OR2L13: variants seen among roughly 807,000 people sequenced by gnomAD.
The protein encoded by OR2L13 is olfactory receptor 2L13.
In OR2L13, 14 loss-of-function variants were observed where a neutral mutation model predicts 15.3. The ratio of observed to expected loss-of-function variants is 0.91; its 90% confidence interval spans 0.60 to 1.43. The LOEUF is 1.43. Ranked by LOEUF, OR2L13 falls within the 40% of genes most tolerant of loss-of-function variation. OR2L13 has a pLI of 0.00. For missense variants in OR2L13, 367 were observed against 387.9 expected (o/e 0.95, Z 0.45); for synonymous variants, 152 against 142.9 (o/e 1.06, Z -0.45).
the OR2L13 span, among the ~76,000 whole-genome samples, chr1:247,965,069 A>G: frequency 6.6e-6 from 1 of 151,106 alleles, no homozygotes; most frequent in East Asian, 1.9e-4. Flanking sequence ...AGTATTATAT[A>G]TGTATATGTA....
chr1:248,030,812 ACATATTG>A, the OR2L13 span, among the ~76,000 whole-genome samples: 1 of 152,158 alleles, frequency 6.6e-6, no homozygotes, highest in Admixed American at 6.5e-5. Context: ...AACAATCCTG[ACATATTG>A]CACGTGCCAG....
At chr1:248,063,932 T>A in the OR2L13 span, among the ~76,000 whole-genome samples, 1 of 152,254 alleles carries the variant, frequency 6.6e-6, no homozygotes, top group East Asian at 1.9e-4. Context: ...CCTGTCCAGC[T>A]CTTCTGTCAC....
chr1:247,966,586 A>G, the OR2L13 span, among the ~76,000 whole-genome samples: 2 of 152,238 alleles, frequency 1.3e-5, no homozygotes, highest in South Asian at 4.1e-4. Flanking sequence ...AAGATAATCT[A>G]TATAACAACC....
At chr1:247,993,736 C>T in the OR2L13 span, among the ~76,000 whole-genome samples, 1 of 136,406 alleles carries the variant, frequency 7.3e-6, no homozygotes, top group Non-Finnish European at 1.5e-5. Context: ...TGGACAGACA[C>T]TGAATGGAAA....
At chr1:248,040,247 G>A in the OR2L13 span, 1 of 152,214 alleles carries the variant, frequency 6.6e-6, no homozygotes, top group Non-Finnish European at 1.5e-5. Flanking sequence ...AAGGTTATCT[G>A]CTTAGGTCCA....
At chr1:248,056,289 T>A in the OR2L13 span, among the ~76,000 whole-genome samples, 1 of 152,088 alleles carries the variant, frequency 6.6e-6, no homozygotes, top group African/African-American at 2.4e-5. Context: ...GTTTATTGAT[T>A]TTTTTTTCAA....
the OR2L13 span, among the ~76,000 whole-genome samples, chr1:247,959,285 G>C: frequency 6.6e-6 from 1 of 151,962 alleles, no homozygotes; most frequent in African/African-American, 2.4e-5. Context: ...CTCTCTTCTG[G>C]CTTGTAGAGT....
the OR2L13 span, among the ~76,000 whole-genome samples, chr1:248,031,617 G>T: frequency 2.0e-5 from 3 of 152,270 alleles, no homozygotes; most frequent in Middle Eastern, 3.4e-3. Flanking sequence ...GGCAGAGCTG[G>T]GCTGTAAATT....
chr1:248,021,145 G>C, the OR2L13 span, among the ~76,000 whole-genome samples: 1 of 152,002 alleles, frequency 6.6e-6, no homozygotes, highest in Non-Finnish European at 1.5e-5. Context: ...TTACATCTGA[G>C]TTTGTGTTGG....
chr1:248,004,991 T>G, the OR2L13 span, among the ~76,000 whole-genome samples: 4 of 151,958 alleles, frequency 2.6e-5, no homozygotes, highest in African/African-American at 4.8e-5. Context: ...AAATAGAGAA[T>G]AGACTGATGG....
At chr1:248,022,704 C>T in the OR2L13 span, 3 of 1,614,104 alleles carry the variant, frequency 1.9e-6, no homozygotes, top group Non-Finnish European at 2.5e-6. Context: ...CTACTATGCA[C>T]CCTTTGCTTA....
At chr1:248,027,050 A>T in the OR2L13 span, among the ~76,000 whole-genome samples, 1 of 152,196 alleles carries the variant, frequency 6.6e-6, no homozygotes, top group African/African-American at 2.4e-5. Context: ...CTCTTCTTTC[A>T]AAAGCAAATA....
At chr1:248,071,113 C>A in the OR2L13 span, among the ~76,000 whole-genome samples, 4 of 152,118 alleles carry the variant, frequency 2.6e-5, no homozygotes, top group Admixed American at 1.3e-4. Context: ...GGAATCCTCC[C>A]TAACTCATTT....
chr1:247,953,922 G>T, the OR2L13 span, among the ~76,000 whole-genome samples: 1 of 110,908 alleles, frequency 9.0e-6, no homozygotes, highest in Admixed American at 1.2e-4. Context: ...ATGGTTTCGA[G>T]CCAGTGTCTC....
At chr1:247,969,717 C>T in the OR2L13 span, among the ~76,000 whole-genome samples, 1 of 152,074 alleles carries the variant, frequency 6.6e-6, no homozygotes, top group Admixed American at 6.6e-5. Flanking sequence ...TCTTTTTTCT[C>T]CTAAATGTGA....
chr1:247,991,416 T>C, the OR2L13 span, among the ~76,000 whole-genome samples: 1 of 149,460 alleles, frequency 6.7e-6, no homozygotes, highest in Non-Finnish European at 1.5e-5. Flanking sequence ...AGATAGATCG[T>C]ATATTCATTT....
chr1:247,955,942 G>C, the OR2L13 span, among the ~76,000 whole-genome samples: 2 of 150,040 alleles, frequency 1.3e-5, no homozygotes, highest in African/African-American at 4.9e-5. Flanking sequence ...AAGCTCTTTA[G>C]TTTAATTAGA....
the OR2L13 span, among the ~76,000 whole-genome samples, chr1:247,986,116 A>T: frequency 5.9e-5 from 9 of 152,240 alleles, no homozygotes; most frequent in Admixed American, 5.2e-4. Flanking sequence ...TAGTTTAATT[A>T]GATCCCATTT....
At chr1:247,957,886 A>G in the OR2L13 span, among the ~76,000 whole-genome samples, 1 of 152,158 alleles carries the variant, frequency 6.6e-6, no homozygotes, top group Non-Finnish European at 1.5e-5. Flanking sequence ...ATCTTTTCAA[A>G]AAACCAGCTC....
Sources: allele counts gnomAD v4.1 joint callset (sites outside exome capture counted in the v4.1 genomes callset), GRCh38; gene constraint gnomAD v4.1.1; transcripts MANE v1.5; gene names NCBI Gene and HGNC (gene_info 2026-07-23, HGNC 2026-07-21).